The following GPC6 variants were observed in gnomAD, a reference collection of about 807,000 sequenced individuals.
GPC6 encodes glypican-6.
GPC6 carries 14 observed loss-of-function variants against 55.2 expected under a neutral mutation model. The ratio of observed to expected loss-of-function variants is 0.25; its 90% confidence interval spans 0.17 to 0.40. The LOEUF is 0.40. GPC6 is among the 10% of genes least tolerant of loss of function. The pLI is 1.00. For missense variants in GPC6, 641 were observed against 708.5 expected (o/e 0.90, Z 1.08); for synonymous variants, 278 against 259.6 (o/e 1.07, Z -0.68).
intron 1 of GPC6, among the ~76,000 whole-genome samples, chr13:93,516,310 G>T (rs1052266647): frequency 1.3e-5 from 2 of 152,076 alleles, no homozygotes; most frequent in South Asian, 2.1e-4. Context: ...ATCTTAACAT[G>T]GAATGCTTGA....
At chr13:93,291,802 AGT>A (rs1878327132) in intron 1 of GPC6, among the ~76,000 whole-genome samples, 1 of 152,156 alleles carries the variant, frequency 6.6e-6, no homozygotes, top group African/African-American at 2.4e-5. Context: ...ACATTAATAG[AGT>A]GTGTAGTGGT....
At chr13:94,117,317 A>G (rs1886468650) in intron 4 of GPC6, among the ~76,000 whole-genome samples, 1 of 152,144 alleles carries the variant, frequency 6.6e-6, no homozygotes, top group Admixed American at 6.6e-5. Flanking sequence ...TGTATCCTGA[A>G]TAATAATTCT....
chr13:93,766,651 G>C (rs931784723), intron 2 of GPC6, among the ~76,000 whole-genome samples: 29 of 152,102 alleles, frequency 1.9e-4, no homozygotes, highest in African/African-American at 6.5e-4. Context: ...AAGGAAGAAT[G>C]ATACAAAGAC....
chr13:94,379,004 G>A (rs901379113), intron 6 of GPC6, among the ~76,000 whole-genome samples: 10 of 151,960 alleles, frequency 6.6e-5, no homozygotes, highest in African/African-American at 2.4e-4. Flanking sequence ...AAGAGTGTTT[G>A]TTAACATAAA....
At chr13:93,830,013 T>C (rs949139558) in intron 2 of GPC6, 141 bp from the exon 3 acceptor site, 1 of 593,260 alleles carries the variant, frequency 1.7e-6, no homozygotes, top group East Asian at 2.8e-5. Flanking sequence ...AATATGTTTT[T>C]TATCTGTCCA....
At chr13:93,879,100 A>T (rs1229502810) in intron 3 of GPC6, among the ~76,000 whole-genome samples, 1 of 152,080 alleles carries the variant, frequency 6.6e-6, no homozygotes, top group East Asian at 1.9e-4. Context: ...TCCATTGCTG[A>T]TACCCTTTCT....
intron 2 of GPC6, among the ~76,000 whole-genome samples, chr13:93,660,749 C>A (rs189853859): frequency 1.3e-5 from 2 of 152,290 alleles, no homozygotes; most frequent in East Asian, 3.9e-4. Context: ...TATTGCACAG[C>A]TCCTTTGAAC....
intron 2 of GPC6, among the ~76,000 whole-genome samples, chr13:93,822,776 C>T (rs1887098839): frequency 6.6e-6 from 1 of 151,668 alleles, no homozygotes; most frequent in African/African-American, 2.4e-5. Context: ...AACATGAACT[C>T]ATCCTTTTTT....
intron 2 of GPC6, among the ~76,000 whole-genome samples, chr13:93,774,548 G>A (rs1196074772): frequency 7.2e-5 from 11 of 152,066 alleles, no homozygotes; most frequent in African/African-American, 9.7e-5. Context: ...AGTAAAAGTC[G>A]TGTATAAAGG....
At chr13:94,229,006 A>G (rs975372094) in intron 4 of GPC6, among the ~76,000 whole-genome samples, 1 of 152,216 alleles carries the variant, frequency 6.6e-6, no homozygotes, top group African/African-American at 2.4e-5. Flanking sequence ...AATGTGAAAC[A>G]CTATCATATC....
intron 2 of GPC6, among the ~76,000 whole-genome samples, chr13:93,662,125 C>T (rs747660657): frequency 1.3e-5 from 2 of 152,026 alleles, no homozygotes; most frequent in Non-Finnish European, 2.9e-5. Flanking sequence ...GCTTTTTGGC[C>T]CCAGGCTTGT....
At chr13:94,388,051 G>A (rs1321734317) in intron 7 of GPC6, among the ~76,000 whole-genome samples, 1 of 152,080 alleles carries the variant, frequency 6.6e-6, no homozygotes, top group East Asian at 1.9e-4. Flanking sequence ...AAGGCTTGAA[G>A]GCAGGATTGC....
At chr13:94,369,722 G>A (rs1159077851) in intron 6 of GPC6, among the ~76,000 whole-genome samples, 1 of 151,726 alleles carries the variant, frequency 6.6e-6, no homozygotes, top group Non-Finnish European at 1.5e-5. Flanking sequence ...TTAGAAGATT[G>A]GGGGGATCAT....
intron 2 of GPC6, among the ~76,000 whole-genome samples, chr13:93,713,920 A>G (rs1282988090): frequency 1.3e-5 from 2 of 151,856 alleles, no homozygotes; most frequent in East Asian, 1.9e-4. Flanking sequence ...CTTTCACCAT[A>G]TACAAAAATT....
At chr13:94,329,809 TC>T in intron 6 of GPC6, among the ~76,000 whole-genome samples, 1 of 151,920 alleles carries the variant, frequency 6.6e-6, no homozygotes, top group Admixed American at 6.5e-5. Flanking sequence ...CTTACCTTGG[TC>T]CTATTTGGGA....
chr13:93,721,092 G>A (rs999589916), intron 2 of GPC6, among the ~76,000 whole-genome samples: 1 of 151,946 alleles, frequency 6.6e-6, no homozygotes, highest in Non-Finnish European at 1.5e-5. Context: ...TAGGTCCAGA[G>A]CTTGAATTCA....
intron 6 of GPC6, among the ~76,000 whole-genome samples, chr13:94,352,612 T>G (rs1157466089): frequency 6.6e-6 from 1 of 152,170 alleles, no homozygotes; most frequent in Admixed American, 6.5e-5. Context: ...CCCCCATACT[T>G]CAGTCCTTCA....
intron 1 of GPC6, among the ~76,000 whole-genome samples, chr13:93,476,110 A>G (rs1251909764): frequency 1.3e-5 from 2 of 152,190 alleles, no homozygotes; most frequent in African/African-American, 4.8e-5. Context: ...TCAAATAAGA[A>G]TATTAATGTG....
chr13:93,514,966 G>T (rs1228446337), intron 1 of GPC6, among the ~76,000 whole-genome samples: 1 of 152,138 alleles, frequency 6.6e-6, no homozygotes, highest in Admixed American at 6.5e-5. Flanking sequence ...TTCATGCATT[G>T]AAGCTCGCAT....
Sources: allele counts gnomAD v4.1 joint callset (sites outside exome capture counted in the v4.1 genomes callset), GRCh38; gene constraint gnomAD v4.1.1; transcripts MANE v1.5; gene names NCBI Gene and HGNC (gene_info 2026-07-23, HGNC 2026-07-21).